The following NKAIN2 variants were observed in gnomAD, a reference collection of about 807,000 sequenced individuals.
NKAIN2 encodes sodium/potassium transporting ATPase interacting 2.
A neutral mutation model predicts 32.6 loss-of-function variants in NKAIN2; 14 were observed. The observed-to-expected ratio is 0.43, with a 90% CI of 0.28 to 0.67. The LOEUF (loss-of-function observed/expected upper bound fraction) is 0.67, where lower values mean the gene tolerates loss of function less well. Ranked by LOEUF, NKAIN2 falls within the 30% of genes least tolerant of loss-of-function variation. The probability of loss-of-function intolerance (pLI) is 0.17; values close to 1 mark genes in which losing one functional copy is unlikely to be tolerated. For synonymous variants in NKAIN2, 80 were observed against 87.2 expected (o/e 0.92, Z 0.46); for missense variants, 198 against 258.3 (o/e 0.77, Z 1.60).
chr6:124,120,277 T>C (rs1416712941), intron 1 of NKAIN2, among the ~76,000 whole-genome samples: 1 of 152,166 alleles, frequency 6.6e-6, no homozygotes, highest in Non-Finnish European at 1.5e-5. Flanking sequence ...GAAACAATGC[T>C]CTTTAAATCC....
chr6:124,055,371 A>G (rs1346009754), intron 1 of NKAIN2, among the ~76,000 whole-genome samples: 1 of 152,104 alleles, frequency 6.6e-6, no homozygotes, highest in Admixed American at 6.6e-5. Flanking sequence ...AAGAAAAACA[A>G]TAATACTTTT....
chr6:124,169,857 G>T (rs1020445900), intron 1 of NKAIN2, among the ~76,000 whole-genome samples: 3 of 152,098 alleles, frequency 2.0e-5, no homozygotes, highest in African/African-American at 7.2e-5. Flanking sequence ...TTCAGAAATC[G>T]CAGAGAAAGA....
intron 1 of NKAIN2, among the ~76,000 whole-genome samples, chr6:124,184,932 A>C (rs1349723551): frequency 2.0e-5 from 3 of 152,194 alleles, no homozygotes; most frequent in Admixed American, 2.0e-4. Context: ...ATTAATTATT[A>C]CATAATATAC....
intron 1 of NKAIN2, among the ~76,000 whole-genome samples, chr6:124,181,224 G>A (rs1236713761): frequency 6.6e-6 from 1 of 152,116 alleles, no homozygotes; most frequent in Non-Finnish European, 1.5e-5. Flanking sequence ...TGGGATGCAG[G>A]GCATCAAGTT....
At chr6:124,270,084 C>T (rs181036688) in intron 1 of NKAIN2, among the ~76,000 whole-genome samples, 2 of 152,252 alleles carry the variant, frequency 1.3e-5, no homozygotes, top group Non-Finnish European at 2.9e-5. Context: ...GAGGAGACAC[C>T]AGCATGCAGG....
chr6:124,028,526 G>T (rs939577697), intron 1 of NKAIN2, among the ~76,000 whole-genome samples: 1 of 151,046 alleles, frequency 6.6e-6, no homozygotes, highest in Non-Finnish European at 1.5e-5. Flanking sequence ...AAAACTTAAA[G>T]TATAATAATA....
intron 4 of NKAIN2, among the ~76,000 whole-genome samples, chr6:124,748,184 A>G (rs145687245): frequency 6.6e-6 from 1 of 152,104 alleles, no homozygotes; most frequent in Non-Finnish European, 1.5e-5. Context: ...ACTTTGTCTT[A>G]GCACCATATC....
chr6:124,129,189 G>A (rs1786332501), intron 1 of NKAIN2, among the ~76,000 whole-genome samples: 1 of 152,074 alleles, frequency 6.6e-6, no homozygotes, highest in African/African-American at 2.4e-5. Flanking sequence ...TTTGTATGTT[G>A]TAGAAATATT....
At chr6:123,997,986 G>T (rs1471769691) in intron 1 of NKAIN2, among the ~76,000 whole-genome samples, 1 of 152,120 alleles carries the variant, frequency 6.6e-6, no homozygotes, top group African/African-American at 2.4e-5. Flanking sequence ...ACCATTGTGT[G>T]CTGGTCTCCT....
chr6:124,251,756 C>CA (rs1440784862), intron 1 of NKAIN2, among the ~76,000 whole-genome samples: 1 of 151,944 alleles, frequency 6.6e-6, no homozygotes, highest in Middle Eastern at 3.2e-3. Flanking sequence ...AGGGACCCTT[C>CA]AATCTCCTCT....
intron 3 of NKAIN2, among the ~76,000 whole-genome samples, chr6:124,622,384 T>C (rs1226983311): frequency 6.6e-6 from 1 of 152,162 alleles, no homozygotes; most frequent in African/African-American, 2.4e-5. Context: ...CTCAAACTCC[T>C]TGTAGGAGGT....
chr6:124,098,657 T>C (rs1445422236), intron 1 of NKAIN2, among the ~76,000 whole-genome samples: 1 of 151,906 alleles, frequency 6.6e-6, no homozygotes, highest in Non-Finnish European at 1.5e-5. Flanking sequence ...GATCATGAGG[T>C]CAGGAATTTG....
chr6:124,794,831 T>C (rs888870933), intron 5 of NKAIN2: 5 of 944,294 alleles, frequency 5.3e-6, no homozygotes, highest in Non-Finnish European at 6.3e-6. Flanking sequence ...ACTTTCCTGA[T>C]GTTTATCCTC....
At chr6:124,003,900 C>T (rs1364716408) in intron 1 of NKAIN2, among the ~76,000 whole-genome samples, 1 of 152,076 alleles carries the variant, frequency 6.6e-6, no homozygotes, top group Admixed American at 6.6e-5. Context: ...CAGTATCAGG[C>T]CAGATTGCCA....
chr6:124,343,803 T>G (rs1798264067), intron 2 of NKAIN2, among the ~76,000 whole-genome samples: 1 of 149,242 alleles, frequency 6.7e-6, no homozygotes, highest in East Asian at 2.0e-4. Context: ...CTGATGGTAG[T>G]TTCTTTTGCT....
At chr6:124,329,855 A>G (rs908393296) in intron 2 of NKAIN2, among the ~76,000 whole-genome samples, 2 of 152,100 alleles carry the variant, frequency 1.3e-5, no homozygotes, top group African/African-American at 4.8e-5. Flanking sequence ...ATTTTCTAAG[A>G]TCGTATGTTG....
chr6:124,556,163 C>T (rs988652900), intron 3 of NKAIN2, among the ~76,000 whole-genome samples: 20 of 150,628 alleles, frequency 1.3e-4, no homozygotes, highest in Non-Finnish European at 2.8e-4. Flanking sequence ...CTACTTTTAT[C>T]CTACTTTCTC....
chr6:123,868,162 C>T (rs974812165), intron 1 of NKAIN2, among the ~76,000 whole-genome samples: 3 of 152,162 alleles, frequency 2.0e-5, no homozygotes, highest in African/African-American at 7.2e-5. Flanking sequence ...GCCACTGTGC[C>T]CAGCCTGTAC....
At chr6:124,084,371 G>A (rs1443141495) in intron 1 of NKAIN2, among the ~76,000 whole-genome samples, 1 of 151,794 alleles carries the variant, frequency 6.6e-6, no homozygotes, top group East Asian at 1.9e-4. Flanking sequence ...TGTGACAATT[G>A]CCATACAGGT....
Sources: allele counts gnomAD v4.1 joint callset (sites outside exome capture counted in the v4.1 genomes callset), GRCh38; gene constraint gnomAD v4.1.1; transcripts MANE v1.5; gene names NCBI Gene and HGNC (gene_info 2026-07-23, HGNC 2026-07-21).